Variants in MACROD2 observed in about 807,000 individuals in gnomAD.
The protein encoded by MACROD2 is mono-ADP ribosylhydrolase 2.
A neutral mutation model predicts 70.4 loss-of-function variants in MACROD2; 36 were observed. That is an observed-to-expected ratio of 0.51 (90% CI 0.39 to 0.68). The LOEUF (loss-of-function observed/expected upper bound fraction) is 0.68, where lower values mean the gene tolerates loss of function less well. MACROD2 is among the 30% of genes least tolerant of loss of function. The pLI is 0.00. For synonymous variants in MACROD2, 172 were observed against 178.8 expected, an observed-to-expected ratio of 0.96 and a Z score of 0.30; for missense variants, 496 against 538.4, an observed-to-expected ratio of 0.92 and a Z score of 0.78.
chr20:15,157,711 C>G (rs2076319339), intron 5 of MACROD2, among the ~76,000 whole-genome samples: 2 of 152,100 alleles, frequency 1.3e-5, no homozygotes, highest in African/African-American at 4.8e-5. Flanking sequence ...ATCACCTGGG[C>G]TACCCCAGCC....
At chr20:14,701,722 A>G (rs142027880) in intron 5 of MACROD2, among the ~76,000 whole-genome samples, 31 of 152,312 alleles carry the variant, frequency 2.0e-4, no homozygotes, top group South Asian at 6.2e-4. Context: ...TATTAAAGAT[A>G]GTTTCACTAA....
chr20:15,703,020 T>C (rs1038437211), intron 8 of MACROD2, among the ~76,000 whole-genome samples: 10 of 152,114 alleles, frequency 6.6e-5, no homozygotes, highest in African/African-American at 2.4e-4. Flanking sequence ...TTTGACAAAG[T>C]TGACAAAAAT....
At chr20:14,943,380 A>G (rs975946205) in intron 5 of MACROD2, among the ~76,000 whole-genome samples, 7 of 151,560 alleles carry the variant, frequency 4.6e-5, no homozygotes, top group Non-Finnish European at 8.8e-5. Flanking sequence ...TTTTTTACCT[A>G]GTGAATTTTC....
intron 3 of MACROD2, among the ~76,000 whole-genome samples, chr20:14,261,384 G>T (rs564326976): frequency 1.3e-5 from 2 of 151,912 alleles, no homozygotes; most frequent in Admixed American, 1.3e-4. Context: ...TTCTACTTTC[G>T]CATTTAATGT....
chr20:15,082,856 TAAA>T (rs1003835166), intron 5 of MACROD2, among the ~76,000 whole-genome samples: 1 of 151,850 alleles, frequency 6.6e-6, no homozygotes, highest in Non-Finnish European at 1.5e-5. Flanking sequence ...TTTGTGCAAC[TAAA>T]AAAAAGCCAA....
intron 10 of MACROD2, among the ~76,000 whole-genome samples, chr20:15,892,394 T>C (rs904264281): frequency 1.8e-4 from 27 of 152,210 alleles, no homozygotes; most frequent in Non-Finnish European, 8.8e-5. Flanking sequence ...TAGAGGGACA[T>C]TGAGGAAAAT....
At chr20:14,808,986 G>A (rs569561978) in intron 5 of MACROD2, among the ~76,000 whole-genome samples, 60 of 152,036 alleles carry the variant, frequency 3.9e-4, no homozygotes, top group African/African-American at 1.4e-3. Context: ...CACAATAATA[G>A]TGGGAGACTT....
intron 5 of MACROD2, among the ~76,000 whole-genome samples, chr20:14,842,813 T>C (rs975048328): frequency 6.6e-6 from 1 of 152,116 alleles, no homozygotes; most frequent in African/African-American, 2.4e-5. Flanking sequence ...CACTGAAGTC[T>C]TCAGTGAAAC....
At chr20:14,189,228 A>G (rs537139546) in intron 3 of MACROD2, among the ~76,000 whole-genome samples, 2 of 152,346 alleles carry the variant, frequency 1.3e-5, no homozygotes, top group Admixed American at 1.3e-4. Context: ...ATGTGAAAGA[A>G]AAACATAATG....
chr20:15,490,659 G>T (rs761598373), intron 7 of MACROD2, among the ~76,000 whole-genome samples: 2 of 152,168 alleles, frequency 1.3e-5, no homozygotes, highest in Non-Finnish European at 2.9e-5. Context: ...TCAAAGGAAT[G>T]AGAAAAAGTT....
intron 3 of MACROD2, among the ~76,000 whole-genome samples, chr20:14,155,793 A>C (rs567562378): frequency 2.6e-5 from 4 of 152,348 alleles, no homozygotes; most frequent in Non-Finnish European, 5.9e-5. Flanking sequence ...ATTATTAATA[A>C]TCAGCCTATA....
At chr20:14,854,880 G>A (rs968313657) in intron 5 of MACROD2, among the ~76,000 whole-genome samples, 1 of 152,106 alleles carries the variant, frequency 6.6e-6, no homozygotes, top group Non-Finnish European at 1.5e-5. Context: ...GCCGGGTGTG[G>A]TGGTGGACGC....
intron 8 of MACROD2, among the ~76,000 whole-genome samples, chr20:15,809,370 G>T (rs2063796964): frequency 6.6e-6 from 1 of 152,124 alleles, no homozygotes; most frequent in South Asian, 2.1e-4. Context: ...TAATACCTGA[G>T]TGTGAGTAAT....
intron 3 of MACROD2, among the ~76,000 whole-genome samples, chr20:14,154,318 A>G (rs1196405982): frequency 2.0e-5 from 3 of 152,134 alleles, no homozygotes; most frequent in Non-Finnish European, 4.4e-5. Flanking sequence ...ACAAAGGGAA[A>G]TTCCATGGGC....
chr20:15,978,162 G>A (rs760369112), intron 13 of MACROD2, among the ~76,000 whole-genome samples: 10 of 152,124 alleles, frequency 6.6e-5, no homozygotes, highest in Non-Finnish European at 1.2e-4. Context: ...CTGCATTTTT[G>A]AAAAGCTCCC....
chr20:15,405,251 A>C (rs1445845258), intron 6 of MACROD2, among the ~76,000 whole-genome samples: 1 of 151,744 alleles, frequency 6.6e-6, no homozygotes, highest in Non-Finnish European at 1.5e-5. Context: ...AAAAAAAAAA[A>C]CCACACTGAA....
intron 8 of MACROD2, among the ~76,000 whole-genome samples, chr20:15,859,165 A>T (rs2064391671): frequency 6.6e-6 from 1 of 152,188 alleles, no homozygotes; most frequent in Non-Finnish European, 1.5e-5. Context: ...ATGGAAGTGG[A>T]TCATCATAAA....
intron 5 of MACROD2, among the ~76,000 whole-genome samples, chr20:14,711,707 C>A (rs2071340857): frequency 6.6e-6 from 1 of 152,110 alleles, no homozygotes; most frequent in Non-Finnish European, 1.5e-5. Flanking sequence ...AGAACTCTTC[C>A]AAATCCCCCG....
chr20:14,836,947 A>G (rs2073036397), intron 5 of MACROD2, among the ~76,000 whole-genome samples: 1 of 152,174 alleles, frequency 6.6e-6, no homozygotes, highest in East Asian at 1.9e-4. Flanking sequence ...TTTGTATAGA[A>G]AGCACCTGTG....
Sources: gnomAD v4.1 joint callset for allele counts (sites outside exome capture counted in the v4.1 genomes callset) on GRCh38, gnomAD v4.1.1 for gene constraint, MANE v1.5 for transcripts, NCBI Gene and HGNC (gene_info 2026-07-23, HGNC 2026-07-21) for gene names.